ARHGAP17: variants seen among roughly 807,000 people sequenced by gnomAD.
ARHGAP17 encodes Rho GTPase activating protein 17, also known as rho GTPase-activating protein 17.
In ARHGAP17, 57 loss-of-function variants were observed where a neutral mutation model predicts 99.5. That is an observed-to-expected ratio of 0.57 (90% CI 0.46 to 0.71). ARHGAP17 has a LOEUF of 0.71. ARHGAP17 is among the 30% of genes least tolerant of loss of function. The probability of loss-of-function intolerance (pLI) is 0.00; values close to 1 mark genes in which losing one functional copy is unlikely to be tolerated. For synonymous variants in ARHGAP17, 417 were observed against 429.6 expected (o/e 0.97, Z 0.36); for missense variants, 1,000 against 1,122.4 (o/e 0.89, Z 1.56).
chr16:25,004,505 C>T (rs769732447), intron 1 of ARHGAP17, among the ~76,000 whole-genome samples: 1 of 152,224 alleles, frequency 6.6e-6, no homozygotes, highest in Non-Finnish European at 1.5e-5. Flanking sequence ...ACGTGATATC[C>T]AAGCTGCTTG....
chr16:24,999,329 G>A (rs535060241), intron 1 of ARHGAP17, among the ~76,000 whole-genome samples: 4 of 152,188 alleles, frequency 2.6e-5, no homozygotes, highest in South Asian at 2.1e-4. Flanking sequence ...ATTAGTCATC[G>A]TTTTAAATTT....
In ARHGAP17 at chr16:25,015,253, CT is replaced by C; in HGVS notation, c.8del (p.Lys3SerfsTer6). The C allele has an allele frequency of 7.4e-7, 1 of 1,353,878 alleles. No individual in the cohort carries two copies. Among genetic ancestry groups the C allele is most frequent in the Non-Finnish European group, 9.6e-7 (1 of 1,041,780 alleles). The allele number at this position is 1,353,878 out of a possible 1,614,324, so 83.9% of individuals were successfully genotyped here. On this transcript the variant is annotated frameshift_variant, in exon 1 of 20. Coordinates refer to ENST00000289968, the MANE Select transcript of ARHGAP17 (RefSeq NM_001006634.3). LOFTEE classifies it high-confidence loss of function. ...CCAGCTGCTTCATGCGGTTGAACTG[CT>C]TCTTCATGGCGGCGGTGGCGGCGGC... MK[K>X]QFNRMKQLAN...
At chr16:24,928,396 C>T (rs897864559) in intron 19 of ARHGAP17, among the ~76,000 whole-genome samples, 1 of 152,150 alleles carries the variant, frequency 6.6e-6, no homozygotes, top group Non-Finnish European at 1.5e-5. Flanking sequence ...TAAAATTTCA[C>T]TTATCTAATA....
chr16:24,993,740 G>C (rs570366671), intron 1 of ARHGAP17, among the ~76,000 whole-genome samples: 171 of 152,222 alleles, frequency 1.1e-3, no homozygotes, highest in Non-Finnish European at 2.2e-3. Context: ...TACCTTCGAG[G>C]CCATGGACCA....
At chr16:24,937,463 C>T (rs1414919846) in intron 17 of ARHGAP17, among the ~76,000 whole-genome samples, 2 of 151,960 alleles carry the variant, frequency 1.3e-5, no homozygotes, top group Non-Finnish European at 2.9e-5. Context: ...AAATAAAAAA[C>T]AAAACCAAGA....
At chr16:24,939,229 C>T in intron 17 of ARHGAP17, 135 bp downstream of exon 17, 1 of 768,658 alleles carries the variant, frequency 1.3e-6, no homozygotes, top group Non-Finnish European at 2.0e-6. Context: ...TTTTGCCAAC[C>T]AGAGGAGTGA....
chr16:24,996,553 A>C (rs916152041), intron 1 of ARHGAP17, among the ~76,000 whole-genome samples: 1 of 152,072 alleles, frequency 6.6e-6, no homozygotes, highest in African/African-American at 2.4e-5. Context: ...AAAAACACCC[A>C]CTAAAGCATG....
intron 1 of ARHGAP17, among the ~76,000 whole-genome samples, chr16:24,991,882 A>G (rs1427501641): frequency 1.3e-5 from 2 of 152,220 alleles, no homozygotes; most frequent in Non-Finnish European, 2.9e-5. Context: ...GAAAGAAAAA[A>G]GGAGACAGAA....
intron 1 of ARHGAP17, among the ~76,000 whole-genome samples, chr16:25,000,381 T>C (rs1332650080): frequency 6.6e-6 from 1 of 152,136 alleles, no homozygotes; most frequent in East Asian, 1.9e-4. Context: ...ATAACATTTC[T>C]CTAGAGAGCA....
chr16:24,952,781 A>G, intron 11 of ARHGAP17, 150 bp downstream of exon 11: 1 of 664,556 alleles, frequency 1.5e-6, no homozygotes, highest in Non-Finnish European at 2.7e-6. Context: ...ATTACATTGT[A>G]TATACACTAA....
rs1447884265 is a variant in ARHGAP17, at chr16:24,955,393, G to A, written c.725-663C>T. The A allele has an allele frequency of 6.6e-6, 1 of 152,240 alleles. No homozygotes were observed. Among genetic ancestry groups the A allele is most frequent in the Non-Finnish European group, 1.5e-5 (1 of 68,036 alleles). 9.4% of individuals were successfully genotyped at this position (152,240 alleles called of 1,614,324 possible). The stretch of plus-strand genomic sequence containing the variant: ...CAGCTGAAGGCTATGCTGATGGCAG[G>A]AAAGCCATATTTTAGATTATCTTCA... On this transcript the variant is annotated intron_variant, in intron 9 of 19. Transcript: ENST00000289968. This position sits in a 1 kb window ranked among gnomAD's most constrained non-coding sequence, Gnocchi z 4.0.
intron 19 of ARHGAP17, 125 bp from the exon 20 acceptor site, chr16:24,920,385 T>C: frequency 8.3e-7 from 1 of 1,199,998 alleles, no homozygotes; most frequent in East Asian, 2.4e-5. Flanking sequence ...CAGGGTCCCT[T>C]GCGAGAGGCC....
At chr16:24,964,149 C>A in intron 7 of ARHGAP17, 48 bp downstream of exon 7, 1 of 1,286,126 alleles carries the variant, frequency 7.8e-7, no homozygotes, top group Non-Finnish European at 1.1e-6. Flanking sequence ...ACTTTCATCC[C>A]TCATTTGCAA....
intron 7 of ARHGAP17, among the ~76,000 whole-genome samples, chr16:24,963,020 G>A (rs151063199): frequency 1.3e-5 from 2 of 152,324 alleles, no homozygotes; most frequent in Admixed American, 1.3e-4. Flanking sequence ...ACTGACAAGT[G>A]TGGAAGTTGA....
At chr16:24,981,147 C>A (rs988564300) in intron 1 of ARHGAP17, among the ~76,000 whole-genome samples, 2 of 152,220 alleles carry the variant, frequency 1.3e-5, no homozygotes, top group Admixed American at 6.5e-5. Context: ...CTTCTCCCAA[C>A]TCCTTGCTCA....
At chr16:25,007,800 A>G (rs1370590657) in intron 1 of ARHGAP17, among the ~76,000 whole-genome samples, 2 of 152,206 alleles carry the variant, frequency 1.3e-5, no homozygotes, top group Non-Finnish European at 2.9e-5. Flanking sequence ...GCCAACATTT[A>G]AATATCAAGA....
chr16:24,977,183 A>G, intron 3 of ARHGAP17, 32 bp downstream of exon 3: 1 of 1,514,730 alleles, frequency 6.6e-7, no homozygotes, highest in Middle Eastern at 1.7e-4. Flanking sequence ...GAGACGCAGG[A>G]ACTGTGGGTC....
At chr16:24,963,752 C>T (rs1362874564) in intron 7 of ARHGAP17, among the ~76,000 whole-genome samples, 1 of 152,132 alleles carries the variant, frequency 6.6e-6, no homozygotes. Context: ...TTATCTTCTC[C>T]AAGGACATAT....
intron 16 of ARHGAP17, 45 bp from the exon 17 acceptor site, chr16:24,939,642 A>G (rs2051256581): frequency 6.5e-7 from 1 of 1,542,584 alleles, no homozygotes; most frequent in Non-Finnish European, 8.8e-7. Flanking sequence ...CGAGCAGACT[A>G]CTGAGACAGA....
Sources: allele counts gnomAD v4.1 joint callset (sites outside exome capture counted in the v4.1 genomes callset), GRCh38; gene constraint gnomAD v4.1.1; non-coding constraint Gnocchi (gnomAD v3.1); transcripts MANE v1.5; gene names NCBI Gene and HGNC (gene_info 2026-07-23, HGNC 2026-07-21).